The following YARS1 variants were observed in gnomAD, a reference collection of about 807,000 sequenced individuals.
YARS1 encodes the protein tyrosine--tRNA ligase, cytoplasmic.
In YARS1, 36 loss-of-function variants were observed where a neutral mutation model predicts 62.2. That is an observed-to-expected ratio of 0.58 (90% CI 0.44 to 0.76). The LOEUF (loss-of-function observed/expected upper bound fraction) is 0.76, where lower values mean the gene tolerates loss of function less well. YARS1 is among the 30% of genes least tolerant of loss of function. The probability of loss-of-function intolerance (pLI) is 0.00; values close to 1 mark genes in which losing one functional copy is unlikely to be tolerated. For synonymous variants in YARS1, 234 were observed against 244.9 expected, an observed-to-expected ratio of 0.96 and a Z score of 0.42; for missense variants, 524 against 639.8, an observed-to-expected ratio of 0.82 and a Z score of 1.95.
At chr1:32,798,704 C>A (rs1173595745) in intron 4 of YARS1, among the ~76,000 whole-genome samples, 1 of 152,166 alleles carries the variant, frequency 6.6e-6, no homozygotes, top group Non-Finnish European at 1.5e-5. Flanking sequence ...CATCTATAGT[C>A]CCAGCTACTC....
Position 32,806,465 on chromosome 1 carries a change from C to T in YARS1, c.510+17G>A. 6.2e-7 allele frequency: 1 copy of T among 1,613,716 alleles called. No homozygotes were observed. The highest frequency in any genetic ancestry group is 8.5e-7 in the Non-Finnish European group (1 of 1,179,946). ...GAGCAGAAAAGGTCATCGGGCCACT[C>T]CATCCCCCTTAAGTACCTGCAGTCC... is the stretch of plus-strand genomic sequence containing the variant. On this transcript the variant is annotated intron_variant, in intron 4 of 12. Transcript: ENST00000373477.
intron 1 of YARS1, among the ~76,000 whole-genome samples, chr1:32,816,092 G>C (rs866585490): frequency 1.4e-4 from 19 of 137,114 alleles, no homozygotes; most frequent in Non-Finnish European, 1.5e-4. Context: ...CTGGGCGACA[G>C]AGCGAGACTC....
chr1:32,815,378 C>T (rs948222587), intron 1 of YARS1, among the ~76,000 whole-genome samples: 1 of 152,054 alleles, frequency 6.6e-6, no homozygotes, highest in Non-Finnish European at 1.5e-5. Context: ...ACAAAAAACC[C>T]AATTGAGTCA....
intron 4 of YARS1, 99 bp from the exon 5 acceptor site, chr1:32,797,942 C>G: frequency 1.0e-6 from 1 of 969,204 alleles, no homozygotes; most frequent in Non-Finnish European, 1.6e-6. Context: ...GTGATCTCGG[C>G]TCACTGCCAC....
intron 5 of YARS1, among the ~76,000 whole-genome samples, chr1:32,791,981 G>A (rs757092778): frequency 1.3e-5 from 2 of 152,110 alleles, no homozygotes. Context: ...AGACTAAGCA[G>A]AGGAAACAGC....
chr1:32,807,928 G>GA (rs1368542084), intron 3 of YARS1, among the ~76,000 whole-genome samples: 6 of 151,624 alleles, frequency 4.0e-5, no homozygotes, highest in Non-Finnish European at 8.8e-5. Context: ...TTTTGTTTTT[G>GA]AGACAGGATC....
intron 4 of YARS1, among the ~76,000 whole-genome samples, chr1:32,802,792 T>C (rs1335782699): frequency 6.6e-6 from 1 of 152,098 alleles, no homozygotes; most frequent in African/African-American, 2.4e-5. Context: ...GTTCCATTTA[T>C]AGAGCTCAGG....
At chr1:32,812,658 AG>A (rs1638610930) in intron 1 of YARS1, among the ~76,000 whole-genome samples, 1 of 152,218 alleles carries the variant, frequency 6.6e-6, no homozygotes, top group Non-Finnish European at 1.5e-5. Flanking sequence ...AGCTACCTGG[AG>A]GCTTCATCTA....
intron 8 of YARS1, among the ~76,000 whole-genome samples, chr1:32,784,676 A>ATT (rs1249081575): frequency 1.3e-5 from 2 of 152,134 alleles, no homozygotes; most frequent in Non-Finnish European, 1.5e-5. Flanking sequence ...GTATATATAT[A>ATT]TTCTTTTCAT....
intron 6 of YARS1, among the ~76,000 whole-genome samples, chr1:32,788,085 G>A (rs1653296917): frequency 6.6e-6 from 1 of 152,128 alleles, no homozygotes; most frequent in South Asian, 2.1e-4. Context: ...TCCAGCCTGG[G>A]CGACAGTGAA....
chr1:32,782,667 G>T, intron 8 of YARS1, 128 bp from the exon 9 acceptor site: 1 of 1,315,700 alleles, frequency 7.6e-7, no homozygotes, highest in Non-Finnish European at 1.1e-6. Context: ...AATCTTGTGA[G>T]GCAGGTAGGA....
intron 1 of YARS1, among the ~76,000 whole-genome samples, chr1:32,814,610 G>A (rs1313264064): frequency 6.6e-6 from 1 of 152,122 alleles, no homozygotes; most frequent in Non-Finnish European, 1.5e-5. Flanking sequence ...GGCTGGTCTT[G>A]AACTCCCAAC....
chr1:32,804,756 G>GCC (rs1569764582), intron 4 of YARS1, among the ~76,000 whole-genome samples: 1 of 151,834 alleles, frequency 6.6e-6, no homozygotes, highest in Non-Finnish European at 1.5e-5. Flanking sequence ...AGACTGGGCG[G>GCC]CCGGGCAGAG....
chr1:32,811,272 TTGGCTCCTTCACTTG>T, intron 1 of YARS1: 1 of 715,226 alleles, frequency 1.4e-6, no homozygotes, highest in Non-Finnish European at 2.4e-6. Context: ...AAACTCCATT[TTGGCTCCTTCACTTG>T]TAGCCCCTTG....
intron 1 of YARS1, chr1:32,811,437 C>T (rs1638583672): frequency 2.9e-6 from 1 of 341,022 alleles, no homozygotes; most frequent in Non-Finnish European, 5.7e-6. Flanking sequence ...GTTGATATTA[C>T]CCTAAGCCCC....
Position 32,779,440 on chromosome 1 carries a change from T to C in YARS1, c.1418A>G (p.Glu473Gly), listed in dbSNP as rs770972459. 1.2e-6 allele frequency: 2 copies of C among 1,614,136 alleles called. No homozygotes were observed. The highest frequency in any genetic ancestry group is 1.7e-6 in the Non-Finnish European group (2 of 1,179,962). ...PGEHVFVKGY[E>G]KGQPDEELKP... ...GAGCTCCTCATCTGGTTGGCCCTTT[T>C]CATAGCCCTTCACAAACACGTGCTC... Residue 473 changes from glutamate to glycine, a missense_variant, in exon 12 of 13, where the codon GAA (glutamate) becomes GGA (glycine). By Grantham distance (98) the Glu-to-Gly change is moderately conservative. Coordinates refer to ENST00000373477, the MANE Select transcript of YARS1 (RefSeq NM_003680.4).
Position 32,782,509 on chromosome 1 carries a change from CA to C in YARS1, c.936del (p.Val313LeufsTer5), listed in dbSNP as rs745705696. 6.2e-7 allele frequency: 1 copy of C among 1,614,128 alleles called. No homozygotes were observed. Among genetic ancestry groups the C allele is most frequent in the East Asian group, 2.2e-5 (1 of 44,870 alleles). On this transcript the variant is annotated frameshift_variant, in exon 9 of 13. Transcript: ENST00000373477. LOFTEE classifies it high-confidence loss of function. ...EVVHPGDLKN[S>X]VEVALNKLLD... Reference sequence around the variant, plus strand: ...AGCAACTTGTTCAGTGCGACTTCAACAGAATTCTTCAGGTCTCCAGGATGTA... The same window carrying C: ...AGCAACTTGTTCAGTGCGACTTCAACGAATTCTTCAGGTCTCCAGGATGTA...
At chr1:32,809,434 C>T (rs1638532844) in intron 3 of YARS1, among the ~76,000 whole-genome samples, 1 of 151,842 alleles carries the variant, frequency 6.6e-6, no homozygotes, top group Non-Finnish European at 1.5e-5. Flanking sequence ...TGAGGACTTG[C>T]CATGTTGGCC....
chr1:32,802,537 A>C (rs1298764189), intron 4 of YARS1, among the ~76,000 whole-genome samples: 1 of 151,964 alleles, frequency 6.6e-6, no homozygotes, highest in African/African-American at 2.4e-5. Flanking sequence ...AGTTGAAATC[A>C]CTCCTTGATC....
Sources: allele counts gnomAD v4.1 joint callset (sites outside exome capture counted in the v4.1 genomes callset), GRCh38; gene constraint gnomAD v4.1.1; transcripts MANE v1.5; gene names NCBI Gene and HGNC (gene_info 2026-07-23, HGNC 2026-07-21).